Variants in XKR6 observed in about 807,000 individuals in gnomAD.
The protein encoded by XKR6 is XK related 6, also known as XK-related protein 6.
XKR6 carries 22 observed loss-of-function variants against 56.7 expected under a neutral mutation model. That is an observed-to-expected ratio of 0.39 (90% CI 0.28 to 0.55). The LOEUF (loss-of-function observed/expected upper bound fraction) is 0.55, where lower values mean the gene tolerates loss of function less well. Ranked by LOEUF, XKR6 falls within the 20% of genes least tolerant of loss-of-function variation. The pLI is 0.66. For missense variants in XKR6, 852 were observed against 889.0 expected (o/e 0.96, Z 0.53); for synonymous variants, 524 against 387.8 (o/e 1.35, Z -4.13).
At chr8:10,969,886 G>A (rs1465376973) in intron 1 of XKR6, among the ~76,000 whole-genome samples, 1 of 152,238 alleles carries the variant, frequency 6.6e-6, no homozygotes, top group African/African-American at 2.4e-5. Context: ...GGGATATGCT[G>A]CCGTCCCGCC....
At chr8:11,114,724 CATAT>C (rs1436760363) in intron 1 of XKR6, among the ~76,000 whole-genome samples, 13 of 122,226 alleles carry the variant, frequency 1.1e-4, no homozygotes, top group African/African-American at 5.8e-4. Flanking sequence ...ACTTAGATCA[CATAT>C]GTGTGTGTGT....
rs753499996 is a variant in XKR6 at position 11,200,713 on chromosome 8, G to A, written c.627C>T (p.Ala209=). 6 of 1,586,742 alleles carry A rather than the reference G, an allele frequency of 3.8e-6. No homozygotes were observed. The highest frequency in any genetic ancestry group is 1.7e-4 in the Middle Eastern group (1 of 5,998). ...CGCGGGCCGCGCCGTGGACGTAGCC[G>A]GCCCCCATCATGGGGGGGCCCCGGC... The part of the protein sequence containing the change: ...LTSRGPPMMG[A]GYVHGAARGG... Residue 209 remains alanine (A), a synonymous_variant, in exon 1 of 3, where the codon GCC becomes GCT. Coordinates refer to ENST00000416569, the MANE Select transcript of XKR6 (RefSeq NM_173683.4). The surrounding 1 kb of genome is among the most constrained non-coding windows in gnomAD (Gnocchi z 6.4).
intron 1 of XKR6, among the ~76,000 whole-genome samples, chr8:11,024,830 C>G (rs1798825118): frequency 6.6e-6 from 1 of 152,234 alleles, no homozygotes; most frequent in Non-Finnish European, 1.5e-5. Context: ...TGTTGGGGCC[C>G]TGGGAACTTC....
At chr8:10,942,353 C>G (rs1415282859) in intron 1 of XKR6, among the ~76,000 whole-genome samples, 1 of 152,228 alleles carries the variant, frequency 6.6e-6, no homozygotes, top group Admixed American at 6.5e-5. Flanking sequence ...CAGCTTCCAT[C>G]TATACAGATA....
chr8:11,163,002 G>C (rs1801896041), intron 1 of XKR6, among the ~76,000 whole-genome samples: 1 of 152,128 alleles, frequency 6.6e-6, no homozygotes, highest in Admixed American at 6.5e-5. Context: ...AAAGAAAACA[G>C]CTCTTCTTTA....
At chr8:11,180,483 T>C (rs549233133) in intron 1 of XKR6, among the ~76,000 whole-genome samples, 3 of 152,318 alleles carry the variant, frequency 2.0e-5, no homozygotes, top group Middle Eastern at 6.8e-3. Flanking sequence ...TCCCTAGACA[T>C]GCCACATACC....
At chr8:11,009,188 G>A (rs531211378) in intron 1 of XKR6, among the ~76,000 whole-genome samples, 1 of 152,114 alleles carries the variant, frequency 6.6e-6, no homozygotes, top group Non-Finnish European at 1.5e-5. Flanking sequence ...TGTAAGTGGT[G>A]CATGTCTCTT....
intron 1 of XKR6, among the ~76,000 whole-genome samples, chr8:11,114,650 C>T (rs1338664791): frequency 2.6e-5 from 4 of 152,006 alleles, no homozygotes; most frequent in South Asian, 2.1e-4. Flanking sequence ...CGTGAGCCAC[C>T]GCACCTGGCC....
chr8:11,002,696 G>T (rs1188852154), intron 1 of XKR6, among the ~76,000 whole-genome samples: 2 of 152,248 alleles, frequency 1.3e-5, no homozygotes, highest in African/African-American at 4.8e-5. Context: ...CCAGGGGGTG[G>T]TGCGAGTTCA....
chr8:10,997,531 G>C (rs1241270890), intron 1 of XKR6, among the ~76,000 whole-genome samples: 1 of 152,192 alleles, frequency 6.6e-6, no homozygotes, highest in Non-Finnish European at 1.5e-5. Flanking sequence ...AAATGATTAA[G>C]ATGCATGTAC....
At chr8:11,115,495 C>G (rs191770595) in intron 1 of XKR6, among the ~76,000 whole-genome samples, 21 of 152,298 alleles carry the variant, frequency 1.4e-4, no homozygotes, top group Non-Finnish European at 1.5e-5. Flanking sequence ...ATGTTTTACA[C>G]CATTCATCTA....
At chr8:11,053,723 G>A (rs1171684200) in intron 1 of XKR6, among the ~76,000 whole-genome samples, 1 of 152,216 alleles carries the variant, frequency 6.6e-6, no homozygotes, top group African/African-American at 2.4e-5. Flanking sequence ...CAGGGACCAA[G>A]ATTCACTTGT....
chr8:10,965,989 A>G (rs914222102), intron 1 of XKR6, among the ~76,000 whole-genome samples: 1 of 152,160 alleles, frequency 6.6e-6, no homozygotes, highest in African/African-American at 2.4e-5. Flanking sequence ...GGCTGAGAAG[A>G]CTGAGCTGGG....
intron 1 of XKR6, among the ~76,000 whole-genome samples, chr8:10,965,455 C>T (rs1231270207): frequency 6.6e-6 from 1 of 152,224 alleles, no homozygotes; most frequent in Non-Finnish European, 1.5e-5. Flanking sequence ...CTGCACCTAG[C>T]ATGGCACCTC....
At chr8:11,195,805 C>T (rs1338465783) in intron 1 of XKR6, among the ~76,000 whole-genome samples, 11 of 151,834 alleles carry the variant, frequency 7.2e-5, no homozygotes, top group Non-Finnish European at 1.0e-4. Context: ...CCCGCCACCA[C>T]GCCCGGCTAA....
intron 1 of XKR6, among the ~76,000 whole-genome samples, chr8:10,925,053 C>A (rs538993467): frequency 1.3e-5 from 2 of 152,088 alleles, no homozygotes; most frequent in African/African-American, 4.8e-5. Context: ...TTTGACCCCT[C>A]GTGGACCCCT....
chr8:11,131,175 T>A (rs780043642), intron 1 of XKR6, among the ~76,000 whole-genome samples: 1 of 152,184 alleles, frequency 6.6e-6, no homozygotes, highest in Non-Finnish European at 1.5e-5. Flanking sequence ...ACACTCTGGT[T>A]CATCTCAGTG....
intron 1 of XKR6, among the ~76,000 whole-genome samples, chr8:11,038,037 A>G (rs1799190744): frequency 6.6e-6 from 1 of 151,950 alleles, no homozygotes; most frequent in South Asian, 2.1e-4. Context: ...AAAAAAAAAA[A>G]AAAAAGATTG....
At chr8:11,158,553 T>C (rs761176208) in intron 1 of XKR6, among the ~76,000 whole-genome samples, 5 of 152,204 alleles carry the variant, frequency 3.3e-5, no homozygotes, top group Admixed American at 2.0e-4. Flanking sequence ...TAAAAACCTT[T>C]GTGTTTACTT....
Sources: gnomAD v4.1 joint callset for allele counts (sites outside exome capture counted in the v4.1 genomes callset) on GRCh38, gnomAD v4.1.1 for gene constraint, Gnocchi (gnomAD v3.1) non-coding constraint, MANE v1.5 for transcripts, NCBI Gene and HGNC (gene_info 2026-07-23, HGNC 2026-07-21) for gene names.